Variants in KCNN2 observed in about 807,000 individuals in gnomAD.
The protein encoded by KCNN2 is potassium calcium-activated channel subfamily N member 2.
Under a neutral mutation model 55.5 loss-of-function variants are expected in KCNN2, and 24 were observed. The ratio of observed to expected loss-of-function variants is 0.43; its 90% CI spans 0.31 to 0.61. The LOEUF is 0.61. Among genes scored for constraint, KCNN2 ranks in the 20% least tolerant of loss-of-function variants. KCNN2 has a pLI of 0.08. For missense variants in KCNN2, 754 were observed against 853.6 expected, an observed-to-expected ratio of 0.88 and a Z score of 1.45; for synonymous variants, 431 against 336.1, an observed-to-expected ratio of 1.28 and a Z score of -3.09.
intron 2 of KCNN2, among the ~76,000 whole-genome samples, chr5:114,245,973 C>A (rs1580656783): frequency 6.6e-6 from 1 of 152,150 alleles, no homozygotes; most frequent in Admixed American, 6.5e-5. Context: ...TGGCCTCAAA[C>A]CCTCAGGGAT....
chr5:114,417,397 A>G (rs114511818), intron 3 of KCNN2, among the ~76,000 whole-genome samples: 1,697 of 152,218 alleles, frequency 0.011, 31 homozygotes, highest in African/African-American at 0.04. Flanking sequence ...TGCTTTTAAG[A>G]TGGGTTCTGA....
In KCNN2 at chr5:114,362,594, C is replaced by CAGCA; in HGVS notation, c.455_456insAGCA (p.Ser153AlafsTer131). 1.3e-6 allele frequency: 1 copy of CAGCA among 771,748 alleles called. No homozygotes were observed. The highest frequency in any genetic ancestry group is 2.0e-6 in the Non-Finnish European group (1 of 507,876). 47.8% of individuals were successfully genotyped at this position (771,748 alleles called of 1,614,324 possible). A position where few individuals can be genotyped will look rare whatever the true frequency, so the allele number is the denominator to read the frequency against. ...GCGCAGCAGTCCGCGCAGCAGTCGG[C>CAGCA]GTCCGCCTCCCAGTACCACCAGTGC... On this transcript the variant is annotated frameshift_variant, in exon 1 of 8. Coordinates refer to ENST00000673685, the MANE Select transcript of KCNN2 (RefSeq NM_021614.4). LOFTEE classifies it high-confidence loss of function.
intron 3 of KCNN2, among the ~76,000 whole-genome samples, chr5:114,437,753 G>T (rs548633731): frequency 6.6e-6 from 1 of 152,232 alleles, no homozygotes; most frequent in African/African-American, 2.4e-5. Flanking sequence ...TCTTCATTCT[G>T]GGAAGGTAGA....
intron 1 of KCNN2, among the ~76,000 whole-genome samples, chr5:114,154,327 T>G (rs1752586103): frequency 6.6e-6 from 1 of 152,088 alleles, no homozygotes; most frequent in South Asian, 2.1e-4. Flanking sequence ...AAAATTTTGC[T>G]TTTGGATTTT....
intron 2 of KCNN2, among the ~76,000 whole-genome samples, chr5:114,298,397 C>G (rs914050942): frequency 2.3e-4 from 35 of 152,310 alleles, no homozygotes; most frequent in African/African-American, 7.9e-4. Flanking sequence ...TGGCACCTCC[C>G]GGCTCTTCTC....
At chr5:114,233,156 G>A (rs1319526785) in intron 2 of KCNN2, among the ~76,000 whole-genome samples, 2 of 150,840 alleles carry the variant, frequency 1.3e-5, no homozygotes, top group East Asian at 2.0e-4. Flanking sequence ...TCCTGACCTC[G>A]TGATCCGCCC....
chr5:114,417,326 A>C (rs543915844), intron 3 of KCNN2, among the ~76,000 whole-genome samples: 2 of 152,154 alleles, frequency 1.3e-5, no homozygotes, highest in African/African-American at 4.8e-5. Context: ...TGTTGTTATG[A>C]TAATCTGCCT....
At position 114,065,846 on chromosome 5, in the gene KCNN2, GTTTTTTTTTTTTTTTTT is replaced by G. The variant is rs56127808; in HGVS notation, c.-271+9366_-271+9382del. ...AGCTTTTAGCTATTCTCCTATGCAG[GTTTTTTTTTTTTTTTTT>G]TTTTTTTTTTTTTTTTTTTGCAATG... On this transcript the variant is annotated intron_variant, in intron 1 of 10. Coordinates refer to the KCNN2 transcript ENST00000512097. Among the ~76,000 whole-genome samples the G allele has an allele frequency of 3.8e-3, 171 of 45,248 alleles. 1 individual carries two copies. The highest frequency in any genetic ancestry group is 0.013 in the African/African-American group (150 of 11,758). 29.7% of individuals were successfully genotyped at this position (45,248 alleles called of 152,430 possible). A position where few individuals can be genotyped will look rare whatever the true frequency, so the allele number is the denominator to read the frequency against.
At chr5:114,399,273 A>G (rs1758712038) in intron 2 of KCNN2, among the ~76,000 whole-genome samples, 1 of 152,152 alleles carries the variant, frequency 6.6e-6, no homozygotes, top group African/African-American at 2.4e-5. Flanking sequence ...GTTTTACCAA[A>G]AGCCTTTTCT....
At chr5:114,096,385 T>G (rs913439481) in intron 1 of KCNN2, among the ~76,000 whole-genome samples, 1 of 152,178 alleles carries the variant, frequency 6.6e-6, no homozygotes, top group African/African-American at 2.4e-5. Flanking sequence ...CTGGCTTATT[T>G]GGTAATACAA....
chr5:114,278,907 C>A (rs1461808915), intron 2 of KCNN2, among the ~76,000 whole-genome samples: 1 of 152,128 alleles, frequency 6.6e-6, no homozygotes, highest in Admixed American at 6.6e-5. Flanking sequence ...TGAGATGAAC[C>A]AGGTAACTCA....
At chr5:114,057,369 G>A (rs1010926503) in intron 1 of KCNN2, among the ~76,000 whole-genome samples, 5 of 152,054 alleles carry the variant, frequency 3.3e-5, no homozygotes, top group Admixed American at 6.6e-5. Context: ...TTACAGATGG[G>A]GTAACTCAGA....
chr5:114,285,283 C>CAAAAAAA (rs70976334), intron 2 of KCNN2, among the ~76,000 whole-genome samples: 2 of 56,288 alleles, frequency 3.6e-5, no homozygotes, highest in African/African-American at 1.5e-4. Flanking sequence ...ACTCCATCTC[C>CAAAAAAA]AAAAAAAAAA....
chr5:114,169,767 G>C (rs147227858), intron 1 of KCNN2, among the ~76,000 whole-genome samples: 1 of 152,186 alleles, frequency 6.6e-6, no homozygotes, highest in Non-Finnish European at 1.5e-5. Flanking sequence ...TCTGGAAACA[G>C]TTGGGATAAG....
chr5:114,078,733 G>T (rs80292363), intron 1 of KCNN2, among the ~76,000 whole-genome samples: 2,361 of 152,236 alleles, frequency 0.016, 55 homozygotes, highest in African/African-American at 0.053. Flanking sequence ...TTCTGTTATG[G>T]ATAAGATGTA....
At chr5:114,272,824 A>G (rs992711168) in intron 2 of KCNN2, among the ~76,000 whole-genome samples, 3 of 152,160 alleles carry the variant, frequency 2.0e-5, no homozygotes, top group Admixed American at 6.6e-5. Context: ...GTTAGGCATC[A>G]TATCAACTGC....
intron 1 of KCNN2, among the ~76,000 whole-genome samples, chr5:114,196,961 C>CT (rs1454098582): frequency 6.6e-6 from 1 of 152,052 alleles, no homozygotes; most frequent in African/African-American, 2.4e-5. Flanking sequence ...TTCTCAATTT[C>CT]TAATAGAAGC....
intron 2 of KCNN2, among the ~76,000 whole-genome samples, chr5:114,313,700 T>C (rs1756448537): frequency 6.6e-6 from 1 of 152,160 alleles, no homozygotes; most frequent in African/African-American, 2.4e-5. Flanking sequence ...ATAAGCACAT[T>C]TGCAAAAGGC....
chr5:114,471,083 G>A (rs757942160), intron 4 of KCNN2, among the ~76,000 whole-genome samples: 1 of 152,026 alleles, frequency 6.6e-6, no homozygotes, highest in Non-Finnish European at 1.5e-5. Flanking sequence ...TATAAAATAG[G>A]TGAATTTGAA....
Sources: gnomAD v4.1 joint callset for allele counts (sites outside exome capture counted in the v4.1 genomes callset) on GRCh38, gnomAD v4.1.1 for gene constraint, MANE v1.5 for transcripts, NCBI Gene and HGNC (gene_info 2026-07-23, HGNC 2026-07-21) for gene names.